SHB: variants seen among roughly 807,000 people sequenced by gnomAD.
SHB encodes the protein SH2 domain-containing adapter protein B.
In SHB, 20 loss-of-function variants were observed where a neutral mutation model predicts 52.3. The observed-to-expected ratio is 0.38, with a 90% CI of 0.27 to 0.56. SHB has a LOEUF of 0.56. Among genes scored for constraint, SHB ranks in the 20% least tolerant of loss-of-function variants. The probability of loss-of-function intolerance (pLI) is 0.71; values close to 1 mark genes in which losing one functional copy is unlikely to be tolerated. For missense variants in SHB, 825 were observed against 723.3 expected (o/e 1.14, Z -1.61); for synonymous variants, 397 against 316.5 (o/e 1.25, Z -2.70).
intron 3 of SHB, among the ~76,000 whole-genome samples, chr9:37,960,454 A>C (rs545734361): frequency 1.3e-5 from 2 of 152,348 alleles, no homozygotes; most frequent in South Asian, 4.1e-4. Context: ...TAAAAATGGA[A>C]GTTGGAATCT....
At chr9:38,045,188 A>G (rs2118150845) in intron 1 of SHB, among the ~76,000 whole-genome samples, 1 of 152,380 alleles carries the variant, frequency 6.6e-6, no homozygotes, top group Non-Finnish European at 1.5e-5. Context: ...GGTAGTGTCT[A>G]AATGATGACA....
chr9:38,053,124 G>C (rs569490786), intron 1 of SHB, among the ~76,000 whole-genome samples: 1 of 152,266 alleles, frequency 6.6e-6, no homozygotes, highest in Admixed American at 6.5e-5. Context: ...TTGCATCTGT[G>C]TAACATAGAC....
At chr9:37,934,183 C>G (rs552375390) in intron 5 of SHB, among the ~76,000 whole-genome samples, 1 of 152,292 alleles carries the variant, frequency 6.6e-6, no homozygotes. Flanking sequence ...CTGAGTCCCC[C>G]CCTCTCCCAG....
chr9:38,038,754 A>G (rs1401526655), intron 1 of SHB, among the ~76,000 whole-genome samples: 3 of 152,088 alleles, frequency 2.0e-5, no homozygotes, highest in Non-Finnish European at 4.4e-5. Context: ...AGGCCAACCA[A>G]TGAGCTGCCT....
intron 5 of SHB, among the ~76,000 whole-genome samples, chr9:37,941,644 G>A (rs116678146): frequency 6.6e-6 from 1 of 152,180 alleles, no homozygotes; most frequent in African/African-American, 2.4e-5. Context: ...CTCTTAAAAG[G>A]CTTCATCATC....
chr9:38,000,511 G>C (rs1820997782), intron 2 of SHB, among the ~76,000 whole-genome samples: 1 of 152,228 alleles, frequency 6.6e-6, no homozygotes, highest in Admixed American at 6.5e-5. Flanking sequence ...GTGGTGAGCA[G>C]AGCCAGGGGG....
chr9:37,993,517 C>T (rs1288818265), intron 2 of SHB, among the ~76,000 whole-genome samples: 1 of 151,994 alleles, frequency 6.6e-6, no homozygotes, highest in Non-Finnish European at 1.5e-5. Context: ...ATGTGACAAA[C>T]CTGCACGTTG....
chr9:37,960,009 C>T (rs940373670), intron 3 of SHB, among the ~76,000 whole-genome samples: 2 of 152,126 alleles, frequency 1.3e-5, no homozygotes, highest in Admixed American at 6.5e-5. Context: ...CGGTTTCATA[C>T]CAGATAAATT....
chr9:37,925,793 T>C (rs1832244070), intron 5 of SHB, among the ~76,000 whole-genome samples: 1 of 152,194 alleles, frequency 6.6e-6, no homozygotes, highest in Non-Finnish European at 1.5e-5. Context: ...AAATCTTACA[T>C]TGTGCGAAGA....
At chr9:38,049,611 AAAAC>A (rs1284171806) in intron 1 of SHB, among the ~76,000 whole-genome samples, 3 of 150,956 alleles carry the variant, frequency 2.0e-5, no homozygotes, top group South Asian at 2.1e-4. Flanking sequence ...CAGTCTCAAA[AAAAC>A]AAACAAACAA....
At chr9:37,957,754 A>G (rs1832652132) in intron 3 of SHB, among the ~76,000 whole-genome samples, 2 of 152,236 alleles carry the variant, frequency 1.3e-5, no homozygotes, top group Non-Finnish European at 2.9e-5. Context: ...CAATAAATCA[A>G]TCTGCCTATC....
In SHB at chr9:37,920,003, T is replaced by C; in HGVS notation, c.1348A>G (p.Ser450Gly). The change falls in exon 6 of 6, where the codon AGC becomes GGC. Residue 450 changes from serine (S) to glycine (G), a missense_variant and splice_region_variant. By Grantham distance (56) the Ser-to-Gly change is moderately conservative. Transcript: ENST00000377707. ...TTCATGTGCATAAAACCCTGGTTGC[T>C]CCTGTGAACAAAACACAGAGTTATC... ...SKHDYSLSLR[S>G]NQGFMHMKLA... 1.9e-6 allele frequency: 3 copies of C among 1,613,574 alleles called. No individual in the cohort carries two copies. The highest frequency in any genetic ancestry group is 2.5e-6 in the Non-Finnish European group (3 of 1,179,566).
chr9:37,923,702 G>C (rs1832210841), intron 5 of SHB, among the ~76,000 whole-genome samples: 1 of 152,226 alleles, frequency 6.6e-6, no homozygotes, highest in Admixed American at 6.5e-5. Flanking sequence ...CTTCTGTGGA[G>C]AACAGAGGGG....
chr9:37,958,151 T>C (rs1239095813), intron 3 of SHB, among the ~76,000 whole-genome samples: 1 of 152,154 alleles, frequency 6.6e-6, no homozygotes, highest in Non-Finnish European at 1.5e-5. Flanking sequence ...CTAAAACTGC[T>C]CTAGAAAGTA....
chr9:38,031,669 A>G (rs1001761560), intron 1 of SHB, among the ~76,000 whole-genome samples: 4 of 152,182 alleles, frequency 2.6e-5, no homozygotes, highest in African/African-American at 9.7e-5. Context: ...GACATCTGAG[A>G]CCATCACGGG....
At chr9:38,051,337 G>T (rs1299626895) in intron 1 of SHB, among the ~76,000 whole-genome samples, 1 of 151,912 alleles carries the variant, frequency 6.6e-6, no homozygotes, top group African/African-American at 2.4e-5. Context: ...CAGCTACTCG[G>T]GAGGCTGAGG....
At chr9:37,935,716 C>T (rs1455799276) in intron 5 of SHB, among the ~76,000 whole-genome samples, 2 of 152,100 alleles carry the variant, frequency 1.3e-5, no homozygotes, top group Non-Finnish European at 2.9e-5. Flanking sequence ...GACGCAGAAT[C>T]GAGATCTGAA....
chr9:38,036,783 G>A (rs1303129143), intron 1 of SHB, among the ~76,000 whole-genome samples: 1 of 152,166 alleles, frequency 6.6e-6, no homozygotes. Context: ...AGCTACCAGG[G>A]ACTATGCTCA....
chr9:38,047,119 A>G (rs1821661483), intron 1 of SHB, among the ~76,000 whole-genome samples: 1 of 152,236 alleles, frequency 6.6e-6, no homozygotes, highest in African/African-American at 2.4e-5. Flanking sequence ...ATGTTCTCCA[A>G]GAGTCCAGTC....
Sources: gnomAD v4.1 joint callset for allele counts (sites outside exome capture counted in the v4.1 genomes callset) on GRCh38, gnomAD v4.1.1 for gene constraint, MANE v1.5 for transcripts, NCBI Gene and HGNC (gene_info 2026-07-23, HGNC 2026-07-21) for gene names.